The following ECM2 variants were observed in gnomAD, a reference collection of about 807,000 sequenced individuals.
The protein encoded by ECM2 is extracellular matrix protein 2, also known as extracellular matrix protein 2, female organ and adipocyte specific.
Under a neutral mutation model 67.5 loss-of-function variants are expected in ECM2, and 57 were observed. That is an observed-to-expected ratio of 0.84 (90% CI 0.68 to 1.05). The LOEUF is 1.05. Ranked by LOEUF, ECM2 falls within the 50% of genes least tolerant of loss-of-function variation. The pLI, the probability that ECM2 is intolerant of heterozygous loss-of-function variation, is 0.00. For missense variants in ECM2, 741 were observed against 822.8 expected, an observed-to-expected ratio of 0.90 and a Z score of 1.22; for synonymous variants, 258 against 294.5, an observed-to-expected ratio of 0.88 and a Z score of 1.27.
chr9:92,495,240 A>G (rs567032998), downstream of ECM2: 34 of 650,430 alleles, frequency 5.2e-5, no homozygotes, highest in Non-Finnish European at 6.5e-5. Flanking sequence ...CATAAAACTG[A>G]GAGTAACAAA....
At chr9:92,524,095 ACCT>A (rs1316155536) in intron 1 of ECM2, among the ~76,000 whole-genome samples, 1 of 152,186 alleles carries the variant, frequency 6.6e-6, no homozygotes, top group Non-Finnish European at 1.5e-5. Flanking sequence ...ATTTCTCTCC[ACCT>A]GTTTGCTAAG....
At chr9:92,520,857 C>T (rs998647822) in intron 2 of ECM2, among the ~76,000 whole-genome samples, 1 of 152,166 alleles carries the variant, frequency 6.6e-6, no homozygotes, top group Non-Finnish European at 1.5e-5. Context: ...AAGTCAAATA[C>T]ACAAGGCCAC....
upstream of ECM2, among the ~76,000 whole-genome samples, chr9:92,537,424 G>T (rs1849209632): frequency 1.3e-5 from 2 of 152,058 alleles, no homozygotes; most frequent in South Asian, 4.2e-4. Flanking sequence ...ACTTTGGGAG[G>T]CAGAGACAGG....
the ECM2 span, among the ~76,000 whole-genome samples, chr9:92,549,389 G>A: frequency 6.6e-6 from 1 of 152,340 alleles, no homozygotes; most frequent in Non-Finnish European, 1.5e-5. Context: ...GCTCAAGCCT[G>A]TAATTCCAGC....
chr9:92,538,033 C>G (rs1367952780), upstream of ECM2, among the ~76,000 whole-genome samples: 1 of 152,072 alleles, frequency 6.6e-6, no homozygotes, highest in Non-Finnish European at 1.5e-5. Flanking sequence ...TCTCCTCTTC[C>G]TTGAGGACAG....
the ECM2 span, among the ~76,000 whole-genome samples, chr9:92,547,107 C>T: frequency 3.9e-5 from 6 of 152,060 alleles, 1 homozygote; most frequent in South Asian, 2.1e-4. Flanking sequence ...CAAGAACTAG[C>T]GGCGTAAGTG....
At chr9:92,553,550 T>A in the ECM2 span, among the ~76,000 whole-genome samples, 1 of 152,220 alleles carries the variant, frequency 6.6e-6, no homozygotes, top group African/African-American at 2.4e-5. Flanking sequence ...ATGGGATGTG[T>A]TTCCATTTCT....
intron 1 of ECM2, among the ~76,000 whole-genome samples, chr9:92,532,046 A>G (rs1273842912): frequency 2.3e-5 from 1 of 43,700 alleles, no homozygotes; most frequent in Admixed American, 1.9e-4. Flanking sequence ...TTTTTTTTTG[A>G]GATGAGGTCT....
the ECM2 span, among the ~76,000 whole-genome samples, chr9:92,553,598 G>T: frequency 1.3e-5 from 2 of 151,996 alleles, no homozygotes; most frequent in African/African-American, 4.8e-5. Context: ...GTGTTTTGTA[G>T]TTTTCCTTGT....
At chr9:92,557,576 A>G in the ECM2 span, among the ~76,000 whole-genome samples, 9 of 151,934 alleles carry the variant, frequency 5.9e-5, no homozygotes, top group Non-Finnish European at 8.8e-5. Flanking sequence ...CTTGTCTTTG[A>G]GCTCTGAATT....
intron 1 of ECM2, among the ~76,000 whole-genome samples, chr9:92,528,541 G>A (rs1848551842): frequency 5.4e-5 from 7 of 128,944 alleles, no homozygotes; most frequent in Admixed American, 5.0e-4. Flanking sequence ...AAGGACAAAG[G>A]GGAAAACAAA....
At chr9:92,549,734 C>T in the ECM2 span, among the ~76,000 whole-genome samples, 1 of 151,990 alleles carries the variant, frequency 6.6e-6, no homozygotes. Flanking sequence ...GATTAGATAT[C>T]ATTTTATCAA....
chr9:92,507,809 T>TTTCTCCATAACACGTGTGCACA, intron 6 of ECM2, among the ~76,000 whole-genome samples: 1 of 152,302 alleles, frequency 6.6e-6, no homozygotes, highest in East Asian at 1.9e-4. Context: ...AGTCCTTCCC[T>TTTCTCCATAACACGTGTGCACA]TTCTCCATAA....
intron 1 of ECM2, among the ~76,000 whole-genome samples, chr9:92,535,414 A>AT (rs1031321964): frequency 6.6e-6 from 1 of 152,034 alleles, no homozygotes; most frequent in African/African-American, 2.4e-5. Context: ...TTATCAAGTA[A>AT]TTTTTTTCCT....
chr9:92,555,487 C>T, the ECM2 span, among the ~76,000 whole-genome samples: 1 of 151,932 alleles, frequency 6.6e-6, no homozygotes, highest in African/African-American at 2.4e-5. Context: ...TCTCAGCCTC[C>T]CAAAGTGCTG....
chr9:92,551,483 A>C, the ECM2 span, among the ~76,000 whole-genome samples: 1 of 152,164 alleles, frequency 6.6e-6, no homozygotes, highest in Admixed American at 6.6e-5. Flanking sequence ...GACTACGGGC[A>C]CATACCACCA....
chr9:92,529,068 T>C (rs1229614853), intron 1 of ECM2, among the ~76,000 whole-genome samples: 2 of 152,134 alleles, frequency 1.3e-5, no homozygotes, highest in African/African-American at 4.8e-5. Flanking sequence ...AAAACTACAA[T>C]GTGAGAGAGA....
At position 92,502,504 on chromosome 9, in the gene ECM2, T is replaced by G. The variant is rs767270946; in HGVS notation, c.1604+9A>C. 9.9e-6 allele frequency: 16 copies of G among 1,611,462 alleles called. No individual in the cohort carries two copies. Among genetic ancestry groups the G allele is most frequent in the African/African-American group, 1.3e-5 (1 of 74,820 alleles). ...GTTCAATAAAATTTAAATTGTAGCA[T>G]GTACTTACTCTTGATTTATCCAGGC... On this transcript the variant is annotated intron_variant, in intron 8 of 9. Coordinates refer to ENST00000344604, the MANE Select transcript of ECM2 (RefSeq NM_001393.4).
chr9:92,532,427 T>G (rs1269285776), intron 1 of ECM2, among the ~76,000 whole-genome samples: 1 of 152,126 alleles, frequency 6.6e-6, no homozygotes, highest in Non-Finnish European at 1.5e-5. Context: ...AAATAGTACA[T>G]TCTCTTTTCC....
Sources: allele counts gnomAD v4.1 joint callset (sites outside exome capture counted in the v4.1 genomes callset), GRCh38; gene constraint gnomAD v4.1.1; transcripts MANE v1.5; gene names NCBI Gene and HGNC (gene_info 2026-07-23, HGNC 2026-07-21).